ARSG: variants seen among roughly 807,000 people sequenced by gnomAD.
ARSG encodes arylsulfatase G.
ARSG carries 37 observed loss-of-function variants against 50.5 expected under a neutral mutation model. The observed-to-expected ratio is 0.73, with a 90% confidence interval of 0.56 to 0.96. The LOEUF (loss-of-function observed/expected upper bound fraction) is 0.96, where lower values mean the gene tolerates loss of function less well. Among genes scored for constraint, ARSG ranks in the 50% least tolerant of loss-of-function variants. The pLI, the probability that ARSG is intolerant of heterozygous loss-of-function variation, is 0.00. For missense variants in ARSG, 629 were observed against 675.3 expected, an observed-to-expected ratio of 0.93 and a Z score of 0.76; for synonymous variants, 225 against 254.6, an observed-to-expected ratio of 0.88 and a Z score of 1.11.
At chr17:68,262,414 T>C (rs2075087454) in intron 1 of ARSG, among the ~76,000 whole-genome samples, 1 of 152,092 alleles carries the variant, frequency 6.6e-6, no homozygotes, top group Non-Finnish European at 1.5e-5. Context: ...GAGGTTGCAG[T>C]GAGCCAAGAT....
chr17:68,433,440 AGCATTTGGT>A, the ARSG span: 13 of 1,597,314 alleles, frequency 8.1e-6, no homozygotes, highest in Admixed American at 2.2e-4. Flanking sequence ...TCGTTTAATG[AGCATTTGGT>A]GCCCCGCGGA....
Position 68,351,698 on chromosome 17 carries a change from T to C in ARSG, c.566+12T>C. The C allele has an allele frequency of 6.4e-7, 1 of 1,566,138 alleles. No homozygotes were observed. Among genetic ancestry groups the C allele is most frequent in the Non-Finnish European group, 8.8e-7 (1 of 1,136,382 alleles). Reference sequence around the variant, plus strand: ...GATGGACCATCAAGGTAATGCTGTCTGACACATTTGCGATAGGCTCCAGGA... The same window carrying C: ...GATGGACCATCAAGGTAATGCTGTCCGACACATTTGCGATAGGCTCCAGGA... On this transcript the variant is annotated intron_variant, in intron 5 of 11. Transcript: ENST00000621439.
At chr17:68,260,669 A>AT in intron 1 of ARSG, among the ~76,000 whole-genome samples, 1 of 151,508 alleles carries the variant, frequency 6.6e-6, no homozygotes, top group Non-Finnish European at 1.5e-5. Flanking sequence ...TTTTATTTTT[A>AT]TTTTTTAGAG....
At chr17:68,371,213 A>G (rs12941293) in intron 8 of ARSG, among the ~76,000 whole-genome samples, 54,066 of 150,448 alleles carry the variant, frequency 0.36, 10,544 homozygotes, top group Non-Finnish European at 0.44. Context: ...CCAGCTACTC[A>G]GGAGGCTGAG....
intron 11 of ARSG, among the ~76,000 whole-genome samples, chr17:68,412,950 A>C (rs1351254783): frequency 6.6e-6 from 1 of 151,880 alleles, no homozygotes; most frequent in Non-Finnish European, 1.5e-5. Flanking sequence ...CGTAGTTCTC[A>C]AGCCTTGGTT....
chr17:68,418,396 G>A (rs1011677083), intron 11 of ARSG, among the ~76,000 whole-genome samples: 2 of 152,186 alleles, frequency 1.3e-5, no homozygotes, highest in African/African-American at 4.8e-5. Context: ...TCACTGCCCT[G>A]TACTGGCAAT....
chr17:68,260,437 T>C (rs1233050914), intron 1 of ARSG, among the ~76,000 whole-genome samples: 1 of 152,184 alleles, frequency 6.6e-6, no homozygotes, highest in Non-Finnish European at 1.5e-5. Context: ...TGCTCAAAGT[T>C]GGAGAAATCA....
chr17:68,266,441 TTTTTG>T (rs2075165976), intron 1 of ARSG, among the ~76,000 whole-genome samples: 1 of 83,406 alleles, frequency 1.2e-5, no homozygotes, highest in African/African-American at 7.1e-5. Context: ...TATATACTTT[TTTTTG>T]TATAAAAAGT....
intron 1 of ARSG, among the ~76,000 whole-genome samples, chr17:68,299,937 CTT>C (rs34778190): frequency 3.3e-4 from 45 of 137,940 alleles, no homozygotes; most frequent in Admixed American, 2.9e-4. Flanking sequence ...TTTGGTATTG[CTT>C]TTTTTTTTTT....
chr17:68,286,000 C>T (rs1599562167), intron 1 of ARSG, among the ~76,000 whole-genome samples: 1 of 152,134 alleles, frequency 6.6e-6, no homozygotes, highest in South Asian at 2.1e-4. Flanking sequence ...ACCTCGTGAT[C>T]CACCCACCTC....
intron 1 of ARSG, among the ~76,000 whole-genome samples, chr17:68,291,869 C>T (rs569930822): frequency 3.3e-5 from 5 of 151,754 alleles, no homozygotes; most frequent in African/African-American, 1.2e-4. Context: ...GATTTAGCGG[C>T]GAGGGGGAAC....
intron 9 of ARSG, among the ~76,000 whole-genome samples, chr17:68,394,592 C>T (rs1190764357): frequency 1.3e-5 from 2 of 152,102 alleles, no homozygotes; most frequent in South Asian, 2.1e-4. Flanking sequence ...TATGATCACA[C>T]ACTGCACTCC....
At chr17:68,315,817 G>A (rs1476320452) in intron 2 of ARSG, among the ~76,000 whole-genome samples, 1 of 152,048 alleles carries the variant, frequency 6.6e-6, no homozygotes, top group African/African-American at 2.4e-5. Context: ...ATTTTTAGTA[G>A]AGACAGCATT....
chr17:68,281,489 C>T (rs1327310233), intron 1 of ARSG, among the ~76,000 whole-genome samples: 2 of 151,654 alleles, frequency 1.3e-5, no homozygotes, highest in Non-Finnish European at 2.9e-5. Flanking sequence ...GCAGGAGACT[C>T]ACTTGAACCT....
rs754908316 is a variant in ARSG at position 68,420,248 on chromosome 17, A to AT, written c.1367dup (p.Asn457GlnfsTer58). Reference sequence around the variant, plus strand: ...TGAGCTGCAGCATAAGTTTCCTCTGATTTTCAACCTGGAAGACGATACCGC... The same window carrying AT: ...TGAGCTGCAGCATAAGTTTCCTCTGATTTTTCAACCTGGAAGACGATACCGC... On this transcript the variant is annotated frameshift_variant, in exon 12 of 12. Transcript: ENST00000621439. LOFTEE classifies it low-confidence loss of function (END_TRUNC). The AT allele has an allele frequency of 8.1e-6, 13 of 1,613,984 alleles. No homozygotes were observed. The African/African-American group carries it at 1.6e-4, about 20-fold the overall frequency.
chr17:68,380,096 GACA>G (rs1391851860), intron 8 of ARSG, among the ~76,000 whole-genome samples: 6 of 152,078 alleles, frequency 3.9e-5, no homozygotes, highest in African/African-American at 4.8e-5. Context: ...TCAACGTGAA[GACA>G]ACGAGGATGA....
At chr17:68,450,093 A>G in the ARSG span, among the ~76,000 whole-genome samples, 1 of 152,238 alleles carries the variant, frequency 6.6e-6, no homozygotes, top group East Asian at 1.9e-4. Flanking sequence ...ACTGAATAAG[A>G]ATTTATATTT....
At chr17:68,292,212 G>A (rs1172618844) in intron 1 of ARSG, among the ~76,000 whole-genome samples, 2 of 151,892 alleles carry the variant, frequency 1.3e-5, no homozygotes, top group African/African-American at 4.8e-5. Flanking sequence ...GGCTGAGTCA[G>A]CATCCCCGGC....
chr17:68,409,521 G>A (rs1296728253), intron 11 of ARSG, among the ~76,000 whole-genome samples: 1 of 151,930 alleles, frequency 6.6e-6, no homozygotes, highest in Admixed American at 6.6e-5. Context: ...TTTGGTTACT[G>A]TAGCCTTGTA....
Sources: allele counts gnomAD v4.1 joint callset (sites outside exome capture counted in the v4.1 genomes callset), GRCh38; gene constraint gnomAD v4.1.1; transcripts MANE v1.5; gene names NCBI Gene and HGNC (gene_info 2026-07-23, HGNC 2026-07-21).